Variants in NRXN1 observed in about 807,000 individuals in gnomAD.
The protein encoded by NRXN1 is neurexin 1.
A neutral mutation model predicts 150.9 loss-of-function variants in NRXN1; 39 were observed. The observed-to-expected ratio is 0.26, with a 90% CI of 0.20 to 0.34. NRXN1 has a LOEUF of 0.34. Ranked by LOEUF, NRXN1 falls within the 10% of genes least tolerant of loss-of-function variation. NRXN1 has a pLI of 1.00. For synonymous variants in NRXN1, 924 were observed against 757.0 expected (o/e 1.22, Z -3.62); for missense variants, 1,815 against 1,949.9 (o/e 0.93, Z 1.30).
At chr2:50,467,083 G>T (rs1008069452) in intron 16 of NRXN1, among the ~76,000 whole-genome samples, 5 of 151,668 alleles carry the variant, frequency 3.3e-5, no homozygotes, top group African/African-American at 1.2e-4. Context: ...GAAATAAACT[G>T]CAATATAATC....
At chr2:50,450,589 C>T (rs1050427074) in intron 17 of NRXN1, among the ~76,000 whole-genome samples, 1 of 152,114 alleles carries the variant, frequency 6.6e-6, no homozygotes, top group Non-Finnish European at 1.5e-5. Flanking sequence ...ATAATAGTCT[C>T]AGTAAGGTAA....
intron 2 of NRXN1, among the ~76,000 whole-genome samples, chr2:50,995,017 A>G (rs1311960826): frequency 6.6e-6 from 1 of 152,098 alleles, no homozygotes; most frequent in Non-Finnish European, 1.5e-5. Flanking sequence ...ATAGGGTAAT[A>G]ACATTGAATA....
At chr2:50,886,463 G>C (rs1680264082) in intron 5 of NRXN1, among the ~76,000 whole-genome samples, 2 of 151,240 alleles carry the variant, frequency 1.3e-5, no homozygotes, top group Admixed American at 1.3e-4. Flanking sequence ...TTTAAAAAAG[G>C]AAATTTGCAT....
intron 17 of NRXN1, among the ~76,000 whole-genome samples, chr2:50,337,200 C>G (rs1356928084): frequency 1.3e-5 from 2 of 151,602 alleles, no homozygotes; most frequent in Admixed American, 6.6e-5. Context: ...ATTCTTCTGC[C>G]TGACCCTCCT....
intron 17 of NRXN1, among the ~76,000 whole-genome samples, chr2:50,394,029 T>G (rs558777695): frequency 6.6e-6 from 1 of 152,276 alleles, no homozygotes; most frequent in African/African-American, 2.4e-5. Flanking sequence ...TTTTTTCAGC[T>G]TTCAGGATGT....
At chr2:50,374,108 T>C (rs1002556793) in intron 17 of NRXN1, among the ~76,000 whole-genome samples, 9 of 145,866 alleles carry the variant, frequency 6.2e-5, no homozygotes, top group Non-Finnish European at 1.2e-4. Context: ...CTGGGCAATA[T>C]AGCAAGACCT....
chr2:49,970,627 A>G (rs1042063707), intron 21 of NRXN1: 1 of 152,132 alleles, frequency 6.6e-6, no homozygotes, highest in Non-Finnish European at 1.5e-5. Flanking sequence ...GCTGTCAAGT[A>G]AATGTAAATA....
At chr2:50,231,876 CTT>C (rs1202990756) in intron 18 of NRXN1, among the ~76,000 whole-genome samples, 2 of 152,030 alleles carry the variant, frequency 1.3e-5, no homozygotes, top group Non-Finnish European at 2.9e-5. Context: ...AATATAAAAA[CTT>C]GAGCTAAATT....
At chr2:50,252,598 A>G (rs2067234244) in intron 17 of NRXN1, among the ~76,000 whole-genome samples, 1 of 152,098 alleles carries the variant, frequency 6.6e-6, no homozygotes, top group Non-Finnish European at 1.5e-5. Flanking sequence ...ATTTTTGTAT[A>G]AGGTGTAAGT....
At chr2:50,882,535 C>T (rs917770369) in intron 5 of NRXN1, among the ~76,000 whole-genome samples, 11 of 151,776 alleles carry the variant, frequency 7.2e-5, no homozygotes, top group Non-Finnish European at 1.6e-4. Flanking sequence ...GCAGTTTTCT[C>T]CCCATGTTAC....
Position 50,236,840 on chromosome 2 carries a change from C to T in NRXN1, c.3495G>A (p.Leu1165=), listed in dbSNP as rs2065481157. 6.2e-7 allele frequency: 1 copy of T among 1,613,316 alleles called. No individual in the cohort carries two copies. The highest frequency in any genetic ancestry group is 8.5e-7 in the Non-Finnish European group (1 of 1,179,634). ...AGCCTGAAGAACTGTCCACTCGCAC[C>T]AATACGGCTTCTTTCTGAACAGTGC... The part of the protein sequence containing the change: ...GFSTVQKEAV[L]VRVDSSSGLG... The change falls in exon 18 of 23, where the codon TTG becomes TTA. Residue 1165 remains leucine (L), a synonymous_variant. Transcript: ENST00000401669.
intron 8 of NRXN1, among the ~76,000 whole-genome samples, chr2:50,598,437 T>G (rs1038098338): frequency 2.0e-5 from 3 of 151,442 alleles, no homozygotes; most frequent in African/African-American, 7.3e-5. Flanking sequence ...TAAACTTTTT[T>G]AAATCAGAAA....
intron 5 of NRXN1, among the ~76,000 whole-genome samples, chr2:50,742,647 T>C (rs895289662): frequency 2.0e-5 from 3 of 151,728 alleles, no homozygotes; most frequent in African/African-American, 7.3e-5. Context: ...CAAGTCTATA[T>C]GATTATAGGC....
intron 17 of NRXN1, among the ~76,000 whole-genome samples, chr2:50,387,581 C>T (rs2081408727): frequency 6.6e-6 from 1 of 152,066 alleles, no homozygotes; most frequent in African/African-American, 2.4e-5. Context: ...TAGAGAACTT[C>T]TGCTAAGGTA....
At chr2:50,462,494 C>G (rs967283920) in intron 17 of NRXN1, among the ~76,000 whole-genome samples, 5 of 151,568 alleles carry the variant, frequency 3.3e-5, no homozygotes, top group African/African-American at 1.2e-4. Flanking sequence ...CATGATATAC[C>G]AGAAAAATTA....
intron 5 of NRXN1, chr2:50,631,007 G>C: frequency 2.5e-6 from 1 of 404,742 alleles, no homozygotes; most frequent in East Asian, 8.2e-5. Context: ...TAAATCCTCA[G>C]TCCTTAAGAA....
intron 2 of NRXN1, among the ~76,000 whole-genome samples, chr2:50,977,942 G>A (rs1558523452): frequency 1.3e-5 from 2 of 151,540 alleles, no homozygotes; most frequent in South Asian, 2.1e-4. Context: ...AAACATCTAA[G>A]AAAGGAAAGC....
intron 5 of NRXN1, among the ~76,000 whole-genome samples, chr2:50,838,236 A>C (rs1338443965): frequency 2.0e-5 from 3 of 152,168 alleles, no homozygotes; most frequent in Non-Finnish European, 4.4e-5. Context: ...CAGTGTAAAA[A>C]ATATGTATGT....
chr2:50,666,898 T>C (rs1688124491), intron 5 of NRXN1, among the ~76,000 whole-genome samples: 1 of 151,520 alleles, frequency 6.6e-6, no homozygotes, highest in South Asian at 2.1e-4. Context: ...TGTGTGTGTG[T>C]GTGTGTGTGG....
Sources: allele counts gnomAD v4.1 joint callset (sites outside exome capture counted in the v4.1 genomes callset), GRCh38; gene constraint gnomAD v4.1.1; transcripts MANE v1.5; gene names NCBI Gene and HGNC (gene_info 2026-07-23, HGNC 2026-07-21).